CCDC85A: variants seen among roughly 807,000 people sequenced by gnomAD.
CCDC85A encodes coiled-coil domain-containing protein 85A.
In CCDC85A, 38 loss-of-function variants were observed where a neutral mutation model predicts 50.2. The observed-to-expected ratio is 0.76, with a 90% CI of 0.58 to 0.99. The LOEUF (loss-of-function observed/expected upper bound fraction) is 0.99. Among genes scored for constraint, CCDC85A ranks in the 50% least tolerant of loss-of-function variants. CCDC85A has a pLI of 0.00. For missense variants in CCDC85A, 820 were observed against 742.0 expected (o/e 1.11, Z -1.22); for synonymous variants, 366 against 301.4 (o/e 1.21, Z -2.22).
intron 1 of CCDC85A, among the ~76,000 whole-genome samples, chr2:56,189,283 G>A (rs1201037368): frequency 1.7e-5 from 2 of 116,782 alleles, no homozygotes; most frequent in African/African-American, 6.9e-5. Flanking sequence ...AAACATGCAC[G>A]GGGTATTTTT....
chr2:56,242,335 G>A (rs185905188), intron 2 of CCDC85A, among the ~76,000 whole-genome samples: 1 of 152,100 alleles, frequency 6.6e-6, no homozygotes, highest in East Asian at 1.9e-4. Context: ...GGTTCTGCAG[G>A]CTTTACAGGA....
chr2:56,270,886 G>A (rs1043037128), intron 2 of CCDC85A, among the ~76,000 whole-genome samples: 2 of 152,204 alleles, frequency 1.3e-5, no homozygotes, highest in African/African-American at 2.4e-5. Context: ...AGTCAGCTTC[G>A]ATGGGAGGGG....
At chr2:56,205,026 T>A (rs1477487490) in intron 2 of CCDC85A, among the ~76,000 whole-genome samples, 1 of 152,160 alleles carries the variant, frequency 6.6e-6, no homozygotes, top group Non-Finnish European at 1.5e-5. Context: ...AGACAACAAA[T>A]GGACTGGCCA....
At chr2:56,264,903 C>G (rs2104034427) in intron 2 of CCDC85A, among the ~76,000 whole-genome samples, 1 of 152,286 alleles carries the variant, frequency 6.6e-6, no homozygotes, top group South Asian at 2.1e-4. Flanking sequence ...CTTTTGCCTG[C>G]AGGTACTTGC....
chr2:56,369,931 G>C (rs182143306), intron 3 of CCDC85A, among the ~76,000 whole-genome samples: 360 of 152,190 alleles, frequency 2.4e-3, no homozygotes, highest in African/African-American at 8.4e-3. Flanking sequence ...AACTTAAAGA[G>C]ACTCAGTGAT....
intron 2 of CCDC85A, among the ~76,000 whole-genome samples, chr2:56,292,837 C>T (rs1248773396): frequency 6.6e-6 from 1 of 152,054 alleles, no homozygotes; most frequent in African/African-American, 2.4e-5. Flanking sequence ...TATGATATTG[C>T]TTATAAAAAG....
intron 2 of CCDC85A, among the ~76,000 whole-genome samples, chr2:56,269,936 T>C (rs1336453644): frequency 6.6e-6 from 1 of 152,240 alleles, no homozygotes; most frequent in Non-Finnish European, 1.5e-5. Flanking sequence ...CATACATAGC[T>C]GTCGGTTGTT....
At chr2:56,372,263 G>A (rs1558664088) in intron 3 of CCDC85A, 81 bp from the exon 4 acceptor site, 7 of 1,375,576 alleles carry the variant, frequency 5.1e-6, no homozygotes, top group Non-Finnish European at 6.7e-6. Context: ...ATCTCATTAA[G>A]CTTCATGTTC....
rs372692596 is a variant in CCDC85A, at chr2:56,320,276, C to A, written c.1241-22603C>A. On this transcript the variant is annotated intron_variant, in intron 2 of 5. Coordinates refer to ENST00000407595, the MANE Select transcript of CCDC85A (RefSeq NM_001080433.2). ...ATTCAAAAGCTAGCAGAAGGCAAGA[C>A]ATAACTAAGATCAGAGCAGAACTGA... 1.6e-4 allele frequency among the ~76,000 whole-genome samples: 24 copies of A among 151,760 alleles called. 1 individual carries two copies. Among genetic ancestry groups the A allele is most frequent in the Admixed American group, 1.4e-3 (21 of 15,192 alleles).
At chr2:56,332,655 C>T (rs1673869432) in intron 2 of CCDC85A, among the ~76,000 whole-genome samples, 1 of 151,194 alleles carries the variant, frequency 6.6e-6, no homozygotes, top group African/African-American at 2.4e-5. Context: ...CTCTCTATCT[C>T]TCTCTCCCCC....
chr2:56,222,789 A>G (rs1668381508), intron 2 of CCDC85A, among the ~76,000 whole-genome samples: 1 of 152,122 alleles, frequency 6.6e-6, no homozygotes, highest in African/African-American at 2.4e-5. Flanking sequence ...ATCCAAATGA[A>G]CTTTCTTTTT....
At chr2:56,272,800 A>G (rs1029775606) in intron 2 of CCDC85A, among the ~76,000 whole-genome samples, 1 of 152,172 alleles carries the variant, frequency 6.6e-6, no homozygotes, top group Non-Finnish European at 1.5e-5. Context: ...TGAAGTCTCC[A>G]AGGCAACTTG....
intron 2 of CCDC85A, among the ~76,000 whole-genome samples, chr2:56,227,934 G>A (rs138219269): frequency 6.6e-6 from 1 of 152,268 alleles, no homozygotes; most frequent in African/African-American, 2.4e-5. Context: ...TCTCTGCATA[G>A]TACTTATCAC....
intron 5 of CCDC85A, among the ~76,000 whole-genome samples, chr2:56,380,562 A>AG (rs1190490331): frequency 6.6e-6 from 1 of 151,844 alleles, no homozygotes; most frequent in African/African-American, 2.4e-5. Flanking sequence ...CCTGTCTCAA[A>AG]AAAAAAAACA....
chr2:56,341,599 T>C (rs1674374110), intron 2 of CCDC85A, among the ~76,000 whole-genome samples: 1 of 152,236 alleles, frequency 6.6e-6, no homozygotes, highest in South Asian at 2.1e-4. Context: ...TACTATCAGA[T>C]TGTTCCCAGA....
chr2:56,320,573 TC>T (rs1244111186), intron 2 of CCDC85A, among the ~76,000 whole-genome samples: 3 of 151,988 alleles, frequency 2.0e-5, no homozygotes, highest in Non-Finnish European at 2.9e-5. Flanking sequence ...ACATACACCC[TC>T]CCAAGACTAA....
intron 2 of CCDC85A, among the ~76,000 whole-genome samples, chr2:56,328,139 C>G (rs1296490008): frequency 2.6e-5 from 4 of 152,120 alleles, no homozygotes; most frequent in Non-Finnish European, 5.9e-5. Flanking sequence ...TTTCCAAAAT[C>G]TCCCTTGAAG....
chr2:56,199,237 CATGAATAA>C (rs1676641239), intron 2 of CCDC85A, among the ~76,000 whole-genome samples: 1 of 152,086 alleles, frequency 6.6e-6, no homozygotes, highest in Non-Finnish European at 1.5e-5. Flanking sequence ...TGCATAAGTA[CATGAATAA>C]ATGAATGCAA....
Position 56,266,579 on chromosome 2 carries a change from C to A in CCDC85A, c.1240+73139C>A, listed in dbSNP as rs1373038282. ...ATAATTGTCAATTAACAATAACGCG[C>A]CCCCCCCCCCCATAATCTTCTTCCT... On this transcript the variant is annotated intron_variant, in intron 2 of 5. Transcript: ENST00000407595. Among the ~76,000 whole-genome samples, 22 of 15,222 alleles carry A rather than the reference C, an allele frequency of 1.4e-3. 2 individuals carry two copies. Among genetic ancestry groups the A allele is most frequent in the South Asian group, 6.9e-3 (1 of 144 alleles). 10.0% of individuals were successfully genotyped at this position (15,222 alleles called of 152,430 possible). A position where few individuals can be genotyped will look rare whatever the true frequency, so the allele number is the denominator to read the frequency against.
Sources: allele counts gnomAD v4.1 joint callset (sites outside exome capture counted in the v4.1 genomes callset), GRCh38; gene constraint gnomAD v4.1.1; transcripts MANE v1.5; gene names NCBI Gene and HGNC (gene_info 2026-07-23, HGNC 2026-07-21).